The following PIP4P2 variants were observed in gnomAD, a reference collection of about 807,000 sequenced individuals.
The protein encoded by PIP4P2 is phosphatidylinositol-4,5-bisphosphate 4-phosphatase 2, also known as type 2 phosphatidylinositol 4,5-bisphosphate 4-phosphatase.
PIP4P2 carries 19 observed loss-of-function variants against 33.3 expected under a neutral mutation model. That is an observed-to-expected ratio of 0.57 (90% CI 0.40 to 0.84). The LOEUF (loss-of-function observed/expected upper bound fraction) is 0.84. PIP4P2 is among the 40% of genes least tolerant of loss of function. The probability of loss-of-function intolerance (pLI) is 0.00; values close to 1 mark genes in which losing one functional copy is unlikely to be tolerated. For synonymous variants in PIP4P2, 110 were observed against 111.9 expected (o/e 0.98, Z 0.11); for missense variants, 270 against 324.7 (o/e 0.83, Z 1.29).
chr8:91,009,045 C>T (rs1811797303), intron 4 of PIP4P2, among the ~76,000 whole-genome samples: 1 of 152,094 alleles, frequency 6.6e-6, no homozygotes, highest in Non-Finnish European at 1.5e-5. Flanking sequence ...TACATGAATA[C>T]TGAATGTAAT....
chr8:90,999,881 A>T (rs1811679410), intron 5 of PIP4P2, among the ~76,000 whole-genome samples: 1 of 151,998 alleles, frequency 6.6e-6, no homozygotes, highest in Admixed American at 6.6e-5. Context: ...GTTAAGTTTT[A>T]CTAGCAAGAT....
At chr8:91,003,091 C>T (rs79272480) in intron 5 of PIP4P2, among the ~76,000 whole-genome samples, 179 of 152,246 alleles carry the variant, frequency 1.2e-3, no homozygotes, top group Middle Eastern at 6.8e-3. Flanking sequence ...ACTAAATATA[C>T]AAACCTAAAA....
At chr8:91,031,649 T>C (rs1335718126) in intron 1 of PIP4P2, among the ~76,000 whole-genome samples, 2 of 152,208 alleles carry the variant, frequency 1.3e-5, no homozygotes, top group African/African-American at 4.8e-5. Context: ...AGCACACACA[T>C]GCAAATATAT....
At chr8:91,011,067 C>T (rs79661384) in intron 4 of PIP4P2, among the ~76,000 whole-genome samples, 1,506 of 98,678 alleles carry the variant, frequency 0.015, 18 homozygotes, top group East Asian at 0.079. Context: ...GATAGATAGA[C>T]AGATAGATAC....
At chr8:91,020,374 C>T in intron 2 of PIP4P2, 111 bp from the exon 3 acceptor site, 1 of 919,654 alleles carries the variant, frequency 1.1e-6, no homozygotes. Context: ...AAATATATTG[C>T]TTTTGTAACT....
chr8:91,022,587 G>C (rs987553517), intron 1 of PIP4P2, among the ~76,000 whole-genome samples: 3 of 152,032 alleles, frequency 2.0e-5, no homozygotes, highest in African/African-American at 7.3e-5. Context: ...AGAGGCTTCT[G>C]TAACACTATA....
intron 1 of PIP4P2, among the ~76,000 whole-genome samples, chr8:91,034,831 G>A (rs997561492): frequency 6.6e-6 from 1 of 152,292 alleles, no homozygotes; most frequent in East Asian, 1.9e-4. Flanking sequence ...CTGCAAGTAC[G>A]CAGGGAGACT....
In PIP4P2 at chr8:91,018,378, C is replaced by T. The variant is rs762297921; in HGVS notation, c.486+12G>A. On this transcript the variant is annotated intron_variant, in intron 4 of 6. Transcript: ENST00000285419. ...ATATTTACAGATTAATGACAAATGT[C>T]CAGTGACTTACCAGGAATGTGTTTC... is the stretch of plus-strand genomic sequence containing the variant. The T allele has an allele frequency of 3.1e-6, 5 of 1,613,852 alleles. No homozygotes were observed. Among genetic ancestry groups the T allele is most frequent in the Non-Finnish European group, 4.2e-6 (5 of 1,179,828 alleles).
intron 1 of PIP4P2, among the ~76,000 whole-genome samples, chr8:91,039,992 A>G (rs1382414318): frequency 6.6e-6 from 1 of 152,174 alleles, no homozygotes; most frequent in African/African-American, 2.4e-5. Context: ...CTTCCCTTCT[A>G]TGAGAAGTAA....
intron 1 of PIP4P2, 102 bp from the exon 2 acceptor site, chr8:91,021,506 C>T: frequency 7.4e-7 from 1 of 1,360,296 alleles, no homozygotes. Context: ...CAAGATTTTC[C>T]CACGTTCTTT....
chr8:90,999,094 T>C (rs532940383), intron 5 of PIP4P2, among the ~76,000 whole-genome samples: 99 of 151,626 alleles, frequency 6.5e-4, no homozygotes, highest in African/African-American at 1.9e-3. Context: ...CATTAAAAAG[T>C]GGGCAAAGGA....
intron 1 of PIP4P2, 147 bp downstream of exon 1, chr8:91,040,497 C>T: frequency 1.1e-6 from 1 of 877,734 alleles, no homozygotes; most frequent in South Asian, 1.6e-5. Context: ...GCGGGCTTGC[C>T]TGGGAAGGCA....
At chr8:91,039,390 C>A (rs1024873774) in intron 1 of PIP4P2, among the ~76,000 whole-genome samples, 3 of 152,130 alleles carry the variant, frequency 2.0e-5, no homozygotes, top group African/African-American at 7.2e-5. Context: ...TTATTTACAG[C>A]TAAGCATCTT....
chr8:91,021,420 T>C lies in PIP4P2; in HGVS notation c.107-16A>G. ...GGGAGCTCCGCTGAAAAGATATTAG[T>C]CACTGAATCAGAGTCTTGGAGAAAT... On this transcript the variant is annotated splice_polypyrimidine_tract_variant and intron_variant, in intron 1 of 6. Transcript: ENST00000285419. 1 of 1,612,438 alleles carries C rather than the reference T, an allele frequency of 6.2e-7. No individual in the cohort carries two copies. The highest frequency in any genetic ancestry group is 8.5e-7 in the Non-Finnish European group (1 of 1,179,008).
chr8:91,035,900 T>C (rs1156726541), intron 1 of PIP4P2, among the ~76,000 whole-genome samples: 3 of 151,946 alleles, frequency 2.0e-5, no homozygotes, highest in Non-Finnish European at 4.4e-5. Context: ...GTGTGGTGGC[T>C]ACTCAGGAGA....
chr8:91,027,538 C>T (rs1812099974), intron 1 of PIP4P2, among the ~76,000 whole-genome samples: 1 of 152,142 alleles, frequency 6.6e-6, no homozygotes, highest in Admixed American at 6.5e-5. Flanking sequence ...GCAGCTTCTA[C>T]ATAAAATAAT....
chr8:91,022,680 T>G (rs1812027822), intron 1 of PIP4P2, among the ~76,000 whole-genome samples: 1 of 152,230 alleles, frequency 6.6e-6, no homozygotes, highest in African/African-American at 2.4e-5. Context: ...TCCTAAACTT[T>G]GTGATATTTT....
chr8:90,996,120 A>C (rs1023801247), intron 6 of PIP4P2, among the ~76,000 whole-genome samples: 16 of 152,158 alleles, frequency 1.1e-4, no homozygotes, highest in African/African-American at 3.9e-4. Flanking sequence ...GCTAATAATA[A>C]GGGACTAGTT....
At chr8:91,013,603 T>C (rs936831692) in intron 4 of PIP4P2, among the ~76,000 whole-genome samples, 1 of 152,148 alleles carries the variant, frequency 6.6e-6, no homozygotes, top group Non-Finnish European at 1.5e-5. Context: ...GGTATGAACA[T>C]AGCTCGCTGC....
Sources: allele counts gnomAD v4.1 joint callset (sites outside exome capture counted in the v4.1 genomes callset), GRCh38; gene constraint gnomAD v4.1.1; transcripts MANE v1.5; gene names NCBI Gene and HGNC (gene_info 2026-07-23, HGNC 2026-07-21).